Variants in SRRM4 observed in about 807,000 individuals in gnomAD.
The protein encoded by SRRM4 is serine/arginine repetitive matrix 4, also known as serine/arginine repetitive matrix protein 4.
A neutral mutation model predicts 68.9 loss-of-function variants in SRRM4; 33 were observed. The observed-to-expected ratio is 0.48, with a 90% confidence interval of 0.36 to 0.64. SRRM4 has a LOEUF of 0.64. Among genes scored for constraint, SRRM4 ranks in the 30% least tolerant of loss-of-function variants. SRRM4 has a pLI of 0.00. For synonymous variants in SRRM4, 318 were observed against 318.8 expected (o/e 1.00, Z 0.03); for missense variants, 817 against 827.1 (o/e 0.99, Z 0.15).
chr12:119,040,884 G>A lies in SRRM4; in HGVS notation c.131+58871G>A, dbSNP rs1003181559. ...CCTGCCTCAGCCTCCTGAGAAGCTG[G>A]GATTACAGGCAAGTGCCACAATGCT... On this transcript the variant is annotated intron_variant, in intron 1 of 12. Coordinates refer to ENST00000267260, the MANE Select transcript of SRRM4 (RefSeq NM_194286.4). Among the ~76,000 whole-genome samples the A allele has an allele frequency of 1.1e-4, 17 of 151,892 alleles. No individual in the cohort carries two copies. The East Asian group carries it at 3.1e-3, about 28-fold the overall frequency.
At chr12:119,008,785 C>A (rs1350851494) in intron 1 of SRRM4, among the ~76,000 whole-genome samples, 1 of 152,130 alleles carries the variant, frequency 6.6e-6, no homozygotes, top group East Asian at 1.9e-4. Context: ...AGCCAACGGG[C>A]CGCCCCTTCC....
In SRRM4 at chr12:119,043,160, C is replaced by G. The variant is rs555653493; in HGVS notation, c.132-59076C>G. On this transcript the variant is annotated intron_variant, in intron 1 of 12. Transcript: ENST00000267260. Reference sequence around the variant, plus strand: ...AACCCAAATGCCCATCAATGATAGACTGGATAAAGCAAATGTGGTACATAT... The same window carrying G: ...AACCCAAATGCCCATCAATGATAGAGTGGATAAAGCAAATGTGGTACATAT... Among the ~76,000 whole-genome samples, 38 of 152,290 alleles carry G rather than the reference C, an allele frequency of 2.5e-4. 1 individual carries two copies. Among genetic ancestry groups the G allele is most frequent in the Admixed American group, 2.2e-3 (33 of 15,306 alleles).
intron 1 of SRRM4, among the ~76,000 whole-genome samples, chr12:119,079,989 G>T (rs1487322493): frequency 6.6e-6 from 1 of 151,150 alleles, no homozygotes; most frequent in Non-Finnish European, 1.5e-5. Flanking sequence ...TTTTCTCCTT[G>T]ATTTAATCAA....
At chr12:119,130,207 G>A (rs949053791) in intron 7 of SRRM4, among the ~76,000 whole-genome samples, 1 of 142,294 alleles carries the variant, frequency 7.0e-6, no homozygotes, top group Admixed American at 7.1e-5. Context: ...TGGTTGCTTA[G>A]ACAGATAGAT....
chr12:119,097,159 G>A (rs953983756), intron 1 of SRRM4, among the ~76,000 whole-genome samples: 5 of 152,148 alleles, frequency 3.3e-5, no homozygotes, highest in Admixed American at 6.5e-5. Flanking sequence ...AGGAAAATGA[G>A]GCAACTGCCA....
chr12:119,127,807 G>A (rs1954271070), intron 7 of SRRM4, among the ~76,000 whole-genome samples: 1 of 152,046 alleles, frequency 6.6e-6, no homozygotes, highest in Non-Finnish European at 1.5e-5. Flanking sequence ...GAAAGAGGAG[G>A]CAGGAGAGGA....
chr12:119,041,285 A>G (rs1953667379), intron 1 of SRRM4, among the ~76,000 whole-genome samples: 1 of 152,136 alleles, frequency 6.6e-6, no homozygotes, highest in Non-Finnish European at 1.5e-5. Context: ...GGTAGGTTGG[A>G]GTCACACCTC....
chr12:119,131,979 C>T (rs4075945), intron 8 of SRRM4, among the ~76,000 whole-genome samples: 16,869 of 152,138 alleles, frequency 0.11, 1,177 homozygotes, highest in African/African-American at 0.19. Flanking sequence ...GCAATGACAA[C>T]GGTTGGGCCT....
In SRRM4 at chr12:119,145,413, T is replaced by A. The variant is rs1356611113; in HGVS notation, c.804T>A (p.Phe268Leu). Residue 268 changes from phenylalanine (F) to leucine (L), a missense_variant, in exon 9 of 13, where the codon TTT becomes TTA. By Grantham distance (22) the Phe-to-Leu change is conservative (BLOSUM62 0). Coordinates refer to ENST00000267260, the MANE Select transcript of SRRM4 (RefSeq NM_194286.4). ...GGTCGGGGTCTGCTGCTGACCTCTT[T>A]ACCAAAACAGCCAGCCCGCTCACCA... The part of the protein sequence containing the change: ...ITGSGSAADL[F>L]TKTASPLTTS... 1.2e-6 allele frequency: 2 copies of A among 1,606,568 alleles called. No homozygotes were observed. The highest frequency in any genetic ancestry group is 1.7e-6 in the Non-Finnish European group (2 of 1,176,478).
chr12:119,013,886 T>C (rs971674958), intron 1 of SRRM4, among the ~76,000 whole-genome samples: 1 of 152,094 alleles, frequency 6.6e-6, no homozygotes, highest in Non-Finnish European at 1.5e-5. Context: ...TTCCAGAAAA[T>C]GATACTGTCT....
Position 119,145,407 on chromosome 12 carries a change from C to T in SRRM4, c.798C>T (p.Asp266=). The change falls in exon 9 of 13, where the codon GAC becomes GAT. Residue 266 remains aspartate (D), a synonymous_variant. Coordinates refer to ENST00000267260, the MANE Select transcript of SRRM4 (RefSeq NM_194286.4). ...TCACTGGGTCGGGGTCTGCTGCTGA[C>T]CTCTTTACCAAAACAGCCAGCCCGC... ...GVITGSGSAA[D]LFTKTASPLT... 1 of 1,605,790 alleles carries T rather than the reference C, an allele frequency of 6.2e-7. No individual in the cohort carries two copies. Among genetic ancestry groups the T allele is most frequent in the South Asian group, 1.1e-5 (1 of 89,254 alleles).
intron 1 of SRRM4, among the ~76,000 whole-genome samples, chr12:119,074,254 T>G (rs1953895491): frequency 6.6e-6 from 1 of 152,148 alleles, no homozygotes; most frequent in Non-Finnish European, 1.5e-5. Flanking sequence ...CCTGTCCCCA[T>G]GCAGGCCCCT....
At chr12:119,117,456 G>A (rs1954188182) in intron 4 of SRRM4, among the ~76,000 whole-genome samples, 1 of 152,174 alleles carries the variant, frequency 6.6e-6, no homozygotes, top group Admixed American at 6.5e-5. Flanking sequence ...TGCCCCTCTT[G>A]TCAGTCCATT....
rs116447608 is a variant in SRRM4, at chr12:119,083,770, C to T, written c.132-18466C>T. Among the ~76,000 whole-genome samples, 1,008 of 152,256 alleles carry T rather than the reference C, an allele frequency of 6.6e-3. 15 individuals are homozygous for T. The highest frequency in any genetic ancestry group is 0.024 in the African/African-American group (978 of 41,540). ...TGTCCTCAGAGCTGAGCTGACAGTG[C>T]AGCTGCCCAGAACATTGCTAGGTGC... On this transcript the variant is annotated intron_variant, in intron 1 of 12. Coordinates refer to ENST00000267260, the MANE Select transcript of SRRM4 (RefSeq NM_194286.4).
At chr12:119,071,696 T>G (rs1016160710) in intron 1 of SRRM4, among the ~76,000 whole-genome samples, 1 of 152,206 alleles carries the variant, frequency 6.6e-6, no homozygotes, top group African/African-American at 2.4e-5. Flanking sequence ...TTTCCTGTTT[T>G]AGAACTTCAC....
At chr12:119,133,120 T>G (rs1954308073) in intron 8 of SRRM4, 1 of 152,242 alleles carries the variant, frequency 6.6e-6, no homozygotes, top group South Asian at 2.1e-4. Context: ...AGCAAGTTTC[T>G]GTGTCTCAGT....
At chr12:119,070,431 A>G (rs1030349211) in intron 1 of SRRM4, among the ~76,000 whole-genome samples, 3 of 152,094 alleles carry the variant, frequency 2.0e-5, no homozygotes, top group African/African-American at 7.2e-5. Context: ...CCATGTCTGC[A>G]ATTTCCAAAC....
In SRRM4 at chr12:119,122,129, A is replaced by T. The variant is rs1452080088; in HGVS notation, c.515+9A>T. 1.3e-6 allele frequency: 2 copies of T among 1,597,478 alleles called. No homozygotes were observed. The highest frequency in any genetic ancestry group is 4.5e-5 in the East Asian group (2 of 44,808). On this transcript the variant is annotated intron_variant, in intron 6 of 12. Coordinates refer to ENST00000267260, the MANE Select transcript of SRRM4 (RefSeq NM_194286.4). ...AAGAGGCACAAGAAACAGTAAGTAG[A>T]TACTACCTGGAATGTACTCATCAGT...
At chr12:119,022,936 A>T (rs1336246691) in intron 1 of SRRM4, among the ~76,000 whole-genome samples, 1 of 152,158 alleles carries the variant, frequency 6.6e-6, no homozygotes, top group Non-Finnish European at 1.5e-5. Flanking sequence ...CAGTGTCTCC[A>T]GCCATTGCAT....
Sources: gnomAD v4.1 joint callset for allele counts (sites outside exome capture counted in the v4.1 genomes callset) on GRCh38, gnomAD v4.1.1 for gene constraint, MANE v1.5 for transcripts, NCBI Gene and HGNC (gene_info 2026-07-23, HGNC 2026-07-21) for gene names.